Variants in C8orf34 observed in about 807,000 individuals in gnomAD.
The protein encoded by C8orf34 is uncharacterized protein C8orf34.
In C8orf34, 65 loss-of-function variants were observed where a neutral mutation model predicts 68.3. The ratio of observed to expected loss-of-function variants is 0.95; its 90% CI spans 0.78 to 1.17. The LOEUF (loss-of-function observed/expected upper bound fraction) is 1.17, where lower values mean the gene tolerates loss of function less well. C8orf34 is among the 50% of genes most tolerant of loss of function. C8orf34 has a pLI of 0.00. For missense variants in C8orf34, 664 were observed against 655.4 expected (o/e 1.01, Z -0.14); for synonymous variants, 244 against 241.2 (o/e 1.01, Z -0.11).
chr8:68,512,312 T>A (rs1174874442), intron 5 of C8orf34, among the ~76,000 whole-genome samples: 1 of 152,176 alleles, frequency 6.6e-6, no homozygotes, highest in African/African-American at 2.4e-5. Context: ...CACAAAAATA[T>A]AACCTAAAGA....
At chr8:68,767,471 G>A (rs1823212675) in intron 10 of C8orf34, among the ~76,000 whole-genome samples, 1 of 152,146 alleles carries the variant, frequency 6.6e-6, no homozygotes, top group African/African-American at 2.4e-5. Flanking sequence ...ATCTGTTAAA[G>A]AATGCAGGAC....
At chr8:68,443,697 C>T (rs575404255) in intron 2 of C8orf34, among the ~76,000 whole-genome samples, 3 of 152,252 alleles carry the variant, frequency 2.0e-5, no homozygotes, top group Admixed American at 6.5e-5. Context: ...TGAGCCTCCA[C>T]ACCCAGCCTG....
chr8:68,452,851 T>C (rs1395094504), intron 3 of C8orf34, among the ~76,000 whole-genome samples: 7 of 151,630 alleles, frequency 4.6e-5, no homozygotes, highest in African/African-American at 1.7e-4. Flanking sequence ...AAATCCAAGG[T>C]CATAATGACT....
At chr8:68,439,899 A>G (rs1335053728) in intron 2 of C8orf34, among the ~76,000 whole-genome samples, 1 of 152,202 alleles carries the variant, frequency 6.6e-6, no homozygotes, top group Non-Finnish European at 1.5e-5. Context: ...TTTGCATCAA[A>G]AGATTTTATC....
chr8:68,697,381 T>G (rs1820865801), intron 8 of C8orf34, among the ~76,000 whole-genome samples: 1 of 152,096 alleles, frequency 6.6e-6, no homozygotes, highest in African/African-American at 2.4e-5. Context: ...CCTCGCAGCT[T>G]CCTCCCATTA....
At chr8:68,776,765 G>C (rs2129528621) in intron 11 of C8orf34, among the ~76,000 whole-genome samples, 1 of 152,126 alleles carries the variant, frequency 6.6e-6, no homozygotes, top group African/African-American at 2.4e-5. Flanking sequence ...GTTTACATTG[G>C]AGTGTGCACA....
intron 1 of C8orf34, among the ~76,000 whole-genome samples, chr8:68,394,362 GTT>G (rs1371506100): frequency 6.6e-6 from 1 of 151,082 alleles, no homozygotes; most frequent in Non-Finnish European, 1.5e-5. Context: ...TCTTGCGATA[GTT>G]TACTGAGAAT....
intron 8 of C8orf34, among the ~76,000 whole-genome samples, chr8:68,699,101 A>C (rs1488613591): frequency 3.9e-5 from 6 of 151,984 alleles, no homozygotes; most frequent in Non-Finnish European, 8.8e-5. Context: ...CTTCTGAATC[A>C]GAAAGTCTAT....
At chr8:68,393,998 CT>C (rs1484401214) in intron 1 of C8orf34, among the ~76,000 whole-genome samples, 11 of 152,014 alleles carry the variant, frequency 7.2e-5, no homozygotes, top group Non-Finnish European at 1.5e-4. Context: ...ACCAGTAAGA[CT>C]TAGCAATCAA....
chr8:68,784,649 G>A (rs1224321300), intron 11 of C8orf34, among the ~76,000 whole-genome samples: 2 of 151,978 alleles, frequency 1.3e-5, no homozygotes, highest in Non-Finnish European at 2.9e-5. Context: ...TTATCTATAT[G>A]GACTTACAGA....
chr8:68,783,367 A>G (rs955737444), intron 11 of C8orf34, among the ~76,000 whole-genome samples: 11 of 151,904 alleles, frequency 7.2e-5, no homozygotes, highest in Admixed American at 7.2e-4. Context: ...AAAATGCAAA[A>G]ATTATCTGAG....
intron 8 of C8orf34, among the ~76,000 whole-genome samples, chr8:68,651,184 T>C (rs567987171): frequency 6.6e-6 from 1 of 152,270 alleles, no homozygotes; most frequent in South Asian, 2.1e-4. Flanking sequence ...TATTCATCCA[T>C]CCATCTATTC....
At chr8:68,708,798 A>T (rs545267411) in intron 8 of C8orf34, among the ~76,000 whole-genome samples, 196 bp from the exon 9 acceptor site, 354 of 152,344 alleles carry the variant, frequency 2.3e-3, no homozygotes, top group South Asian at 5.0e-3. Flanking sequence ...CAGGAAGTAT[A>T]GAAGACTTTT....
intron 1 of C8orf34, among the ~76,000 whole-genome samples, chr8:68,393,022 G>T (rs1337900208): frequency 6.6e-6 from 1 of 152,120 alleles, no homozygotes; most frequent in Non-Finnish European, 1.5e-5. Context: ...TACTTTAAAT[G>T]AGTTATTTGG....
At chr8:68,381,452 G>C (rs1169493622) in intron 1 of C8orf34, among the ~76,000 whole-genome samples, 3 of 152,120 alleles carry the variant, frequency 2.0e-5, no homozygotes, top group African/African-American at 7.2e-5. Flanking sequence ...GTATATTAAG[G>C]CCGGGCGCGG....
intron 12 of C8orf34, among the ~76,000 whole-genome samples, chr8:68,811,889 T>A (rs1824662722): frequency 1.3e-5 from 2 of 152,212 alleles, no homozygotes; most frequent in Admixed American, 6.5e-5. Context: ...GTAAGTGCAA[T>A]TTAAATTCGA....
intron 10 of C8orf34, among the ~76,000 whole-genome samples, chr8:68,733,048 A>G (rs1822027656): frequency 6.6e-6 from 1 of 152,190 alleles, no homozygotes; most frequent in African/African-American, 2.4e-5. Flanking sequence ...TGGGCAACAG[A>G]GTGAGACTCT....
intron 10 of C8orf34, among the ~76,000 whole-genome samples, chr8:68,749,171 G>C (rs575612689): frequency 6.6e-6 from 1 of 151,922 alleles, no homozygotes; most frequent in East Asian, 1.9e-4. Context: ...CTCACTCATA[G>C]GTGGGAATTG....
intron 7 of C8orf34, among the ~76,000 whole-genome samples, chr8:68,618,415 G>T (rs1257159071): frequency 1.3e-5 from 2 of 152,224 alleles, no homozygotes; most frequent in African/African-American, 2.4e-5. Context: ...GCAGTGGTGT[G>T]ATCTTGGCTC....
Sources: gnomAD v4.1 joint callset for allele counts (sites outside exome capture counted in the v4.1 genomes callset) on GRCh38, gnomAD v4.1.1 for gene constraint, MANE v1.5 for transcripts, NCBI Gene and HGNC (gene_info 2026-07-23, HGNC 2026-07-21) for gene names.